The following ABHD18 variants were observed in gnomAD, a reference collection of about 807,000 sequenced individuals.
ABHD18 encodes abhydrolase domain containing 18, also known as cardiolipin-specific deacylase, mitochondrial.
A neutral mutation model predicts 65.9 loss-of-function variants in ABHD18; 55 were observed. The ratio of observed to expected loss-of-function variants is 0.84; its 90% confidence interval spans 0.67 to 1.05. The LOEUF (loss-of-function observed/expected upper bound fraction) is 1.05. Ranked by LOEUF, ABHD18 falls within the 50% of genes least tolerant of loss-of-function variation. The pLI is 0.00. For missense variants in ABHD18, 533 were observed against 558.5 expected (o/e 0.95, Z 0.46); for synonymous variants, 181 against 180.2 (o/e 1.00, Z -0.04).
rs192607498 is a variant in ABHD18 at position 127,985,995 on chromosome 4, C to A, written c.177+1572C>A. Among the ~76,000 whole-genome samples, 6 of 152,134 alleles carry A rather than the reference C, an allele frequency of 3.9e-5. No individual in the cohort carries two copies. The East Asian group carries it at 9.6e-4, about 24-fold the overall frequency. Reference sequence around the variant, plus strand: ...GCGCCACAGCACTCCAGCCTGGCAACAGAGCTAGACTCCGTCTCAAAGAAA... The same window carrying A: ...GCGCCACAGCACTCCAGCCTGGCAAAAGAGCTAGACTCCGTCTCAAAGAAA... On this transcript the variant is annotated intron_variant, in intron 3 of 12. Coordinates refer to ENST00000645843, the MANE Select transcript of ABHD18 (RefSeq NM_001358451.3).
At chr4:128,017,770 A>G (rs991795044) in intron 8 of ABHD18, among the ~76,000 whole-genome samples, 9 of 152,176 alleles carry the variant, frequency 5.9e-5, no homozygotes, top group African/African-American at 2.2e-4. Context: ...TCTCAAGTAT[A>G]AATGCCCAAT....
At chr4:128,031,993 G>A (rs894507317) in intron 12 of ABHD18, among the ~76,000 whole-genome samples, 1 of 152,176 alleles carries the variant, frequency 6.6e-6, no homozygotes, top group Non-Finnish European at 1.5e-5. Context: ...ACATGTGAAC[G>A]CAGAGGACCC....
intron 1 of ABHD18, among the ~76,000 whole-genome samples, chr4:127,974,864 T>C (rs1579130135): frequency 6.6e-6 from 1 of 151,742 alleles, no homozygotes; most frequent in African/African-American, 2.4e-5. Context: ...GGTGTGGTGG[T>C]TGTCGCCTGT....
intron 12 of ABHD18, 22 bp from the exon 13 acceptor site, chr4:128,035,740 T>C: frequency 6.9e-7 from 1 of 1,458,970 alleles, no homozygotes; most frequent in Non-Finnish European, 9.3e-7. Context: ...ACTTAGAGTT[T>C]TTCTTTCATA....
chr4:128,000,446 T>G (rs1752475841), intron 4 of ABHD18, among the ~76,000 whole-genome samples: 1 of 152,214 alleles, frequency 6.6e-6, no homozygotes, highest in Non-Finnish European at 1.5e-5. Context: ...GTGTGTGGCT[T>G]TATTTCTGCA....
chr4:128,036,802 T>A lies in ABHD18; in HGVS notation c.*989T>A, dbSNP rs1439589798. ...CATTAGACTTTGCTAGACTAAAACT[T>A]TACTAAAGATTAGGGTTTTTAAAAA... On this transcript the variant is annotated 3_prime_UTR_variant, in exon 13 of 13. Coordinates refer to ENST00000645843, the MANE Select transcript of ABHD18 (RefSeq NM_001358451.3). 6.6e-6 allele frequency: 1 copy of A among 151,322 alleles called. No homozygotes were observed. Among genetic ancestry groups the A allele is most frequent in the African/African-American group, 2.4e-5 (1 of 41,148 alleles). 9.4% of individuals were successfully genotyped at this position (151,322 alleles called of 1,614,324 possible).
intron 4 of ABHD18, among the ~76,000 whole-genome samples, chr4:128,002,379 A>G (rs1269434358): frequency 6.6e-6 from 1 of 151,270 alleles, no homozygotes; most frequent in Non-Finnish European, 1.5e-5. Flanking sequence ...TCCTGGAGTC[A>G]AGTGATTCTC....
intron 8 of ABHD18, among the ~76,000 whole-genome samples, chr4:128,018,633 G>A (rs975131240): frequency 3.9e-5 from 6 of 152,128 alleles, no homozygotes; most frequent in African/African-American, 9.6e-5. Context: ...AGACAGAAGC[G>A]AGATTCTATC....
At chr4:127,974,196 T>TTG (rs1560818021) in intron 1 of ABHD18, among the ~76,000 whole-genome samples, 1 of 142,582 alleles carries the variant, frequency 7.0e-6, no homozygotes, top group Admixed American at 7.0e-5. Flanking sequence ...CTGTTTTTTT[T>TTG]TTTTTTTTTT....
In ABHD18 at chr4:128,009,112, C is replaced by T. The variant is rs1342203839; in HGVS notation, c.363C>T (p.Tyr121=). Reference sequence around the variant, plus strand: ...GTGTTCTTTTCTTTCCTTAGCATTACTGGAGGCGACGAACACTAATGGCCC... The same window carrying T: ...GTGTTCTTTTCTTTCCTTAGCATTATTGGAGGCGACGAACACTAATGGCCC... The part of the protein sequence containing the change: ...IHLAGTGDHH[Y]WRRRTLMARP... The change falls in exon 6 of 13, where the codon TAC becomes TAT. Residue 121 remains tyrosine, a synonymous_variant. Coordinates refer to ENST00000645843, the MANE Select transcript of ABHD18 (RefSeq NM_001358451.3). 1 of 1,573,948 alleles carries T rather than the reference C, an allele frequency of 6.4e-7. No homozygotes were observed. The highest frequency in any genetic ancestry group is 8.6e-7 in the Non-Finnish European group (1 of 1,168,322).
intron 12 of ABHD18, among the ~76,000 whole-genome samples, chr4:128,033,630 G>C (rs1758519674): frequency 6.6e-6 from 1 of 150,676 alleles, no homozygotes; most frequent in Non-Finnish European, 1.5e-5. Flanking sequence ...CCACCTCCTG[G>C]GTTCACGGCA....
intron 4 of ABHD18, among the ~76,000 whole-genome samples, chr4:127,999,313 C>G (rs1296879933): frequency 6.6e-6 from 1 of 151,880 alleles, no homozygotes; most frequent in Non-Finnish European, 1.5e-5. Flanking sequence ...AAGAAAGTAG[C>G]CTTCTGGTGG....
chr4:128,009,125 A>G lies in ABHD18; in HGVS notation c.376A>G (p.Thr126Ala). 2 of 1,572,958 alleles carry G rather than the reference A, an allele frequency of 1.3e-6. No homozygotes were observed. The highest frequency in any genetic ancestry group is 1.7e-6 in the Non-Finnish European group (2 of 1,168,158). ...TGDHHYWRRRTLMARPMIKEA... is the reference protein window; with the variant it reads ...TGDHHYWRRRALMARPMIKEA... ...TCCTTAGCATTACTGGAGGCGACGAACACTAATGGCCCGTCCTATGATTAA... is the reference window on the plus strand; with the variant it reads ...TCCTTAGCATTACTGGAGGCGACGAGCACTAATGGCCCGTCCTATGATTAA... The change falls in exon 6 of 13, where the codon ACA becomes GCA. Residue 126 changes from threonine (T) to alanine (A), a missense_variant. Physicochemically the swap from Thr to Ala is moderately conservative, Grantham distance 58. Coordinates refer to ENST00000645843, the MANE Select transcript of ABHD18 (RefSeq NM_001358451.3).
intron 10 of ABHD18, among the ~76,000 whole-genome samples, chr4:128,021,585 C>T (rs961267358): frequency 6.7e-6 from 1 of 150,140 alleles, no homozygotes; most frequent in Non-Finnish European, 1.5e-5. Flanking sequence ...ACTTAGGAGG[C>T]AGAGGTTGCA....
intron 10 of ABHD18, among the ~76,000 whole-genome samples, chr4:128,027,845 G>T (rs1363415197): frequency 2.6e-5 from 4 of 151,764 alleles, no homozygotes; most frequent in African/African-American, 4.8e-5. Flanking sequence ...TTAAAACTTT[G>T]GCTATAAAAA....
chr4:128,015,379 T>C (rs1408816369), intron 7 of ABHD18, among the ~76,000 whole-genome samples: 1 of 152,222 alleles, frequency 6.6e-6, no homozygotes, highest in Admixed American at 6.5e-5. Flanking sequence ...TCTACTATTA[T>C]AAATAACTAC....
chr4:127,981,067 GTGTATGATTTTAATGAGA>G (rs1748950550), intron 1 of ABHD18, among the ~76,000 whole-genome samples: 1 of 152,054 alleles, frequency 6.6e-6, no homozygotes, highest in Non-Finnish European at 1.5e-5. Context: ...ATTTCAAGAG[GTGTATGATTTTAATGAGA>G]TTTGCAATTT....
chr4:127,983,053 C>T lies in ABHD18; in HGVS notation c.92+6C>T, dbSNP rs988841407. On this transcript the variant is annotated splice_donor_region_variant and intron_variant, in intron 2 of 12. Coordinates refer to ENST00000645843, the MANE Select transcript of ABHD18 (RefSeq NM_001358451.3). The stretch of plus-strand genomic sequence containing the variant: ...AGGCCAGAAGATCTCAAAAGGCAAG[C>T]AATTTTTTTTCCTGAATACTTGTTC... The T allele has an allele frequency of 3.2e-6, 5 of 1,543,948 alleles. No individual in the cohort carries two copies. The African/African-American group carries it at 5.5e-5, about 17-fold the overall frequency.
At chr4:128,006,834 C>T (rs1753677285) in intron 4 of ABHD18, among the ~76,000 whole-genome samples, 1 of 152,144 alleles carries the variant, frequency 6.6e-6, no homozygotes, top group Non-Finnish European at 1.5e-5. Flanking sequence ...TCCATAATCA[C>T]AGTTATTTGG....
Sources: allele counts gnomAD v4.1 joint callset (sites outside exome capture counted in the v4.1 genomes callset), GRCh38; gene constraint gnomAD v4.1.1; transcripts MANE v1.5; gene names NCBI Gene and HGNC (gene_info 2026-07-23, HGNC 2026-07-21).